The following FGGY variants were observed in gnomAD, a reference collection of about 807,000 sequenced individuals.
FGGY encodes the protein FGGY carbohydrate kinase domain containing.
In FGGY, 72 loss-of-function variants were observed where a neutral mutation model predicts 71.3. The observed-to-expected ratio is 1.01, with a 90% CI of 0.84 to 1.23. The LOEUF (loss-of-function observed/expected upper bound fraction) is 1.23. Among genes scored for constraint, FGGY ranks in the 50% most tolerant of loss-of-function variants. The probability of loss-of-function intolerance (pLI) is 0.00; values close to 1 mark genes in which losing one functional copy is unlikely to be tolerated. For synonymous variants in FGGY, 251 were observed against 250.3 expected (o/e 1.00, Z -0.02); for missense variants, 668 against 682.3 (o/e 0.98, Z 0.23).
intron 6 of FGGY, among the ~76,000 whole-genome samples, chr1:59,473,270 C>G (rs1055819949): frequency 1.3e-5 from 2 of 151,790 alleles, no homozygotes; most frequent in Non-Finnish European, 2.9e-5. Flanking sequence ...ACTCCAGACG[C>G]GCCGGCTTAA....
chr1:59,317,588 G>C (rs1451858945), intron 1 of FGGY, among the ~76,000 whole-genome samples: 1 of 152,182 alleles, frequency 6.6e-6, no homozygotes, highest in Admixed American at 6.5e-5. Flanking sequence ...CATGACCCAG[G>C]AACAAAGGGC....
Position 59,612,498 on chromosome 1 carries a change from A to C in FGGY, c.1011+4588A>C, listed in dbSNP as rs1280594136. On this transcript the variant is annotated intron_variant, in intron 9 of 15. Coordinates refer to ENST00000303721, the MANE Select transcript of FGGY (RefSeq NM_018291.5). ...CCCTAAAAGAGCTCCTGACGGAAGC[A>C]CTAAACATGGAAAGGAACAACTGGT... Among the ~76,000 whole-genome samples, 7 of 152,324 alleles carry C rather than the reference A, an allele frequency of 4.6e-5. No individual in the cohort carries two copies. The East Asian group carries it at 1.4e-3, about 29-fold the overall frequency.
intron 9 of FGGY, among the ~76,000 whole-genome samples, chr1:59,613,143 T>C (rs1007642468): frequency 2.6e-5 from 4 of 152,090 alleles, no homozygotes; most frequent in East Asian, 1.9e-4. Context: ...CTGCACCAAG[T>C]GGACCTAATA....
intron 14 of FGGY, among the ~76,000 whole-genome samples, chr1:59,737,690 C>T (rs747294468): frequency 1.3e-4 from 20 of 152,206 alleles, no homozygotes; most frequent in Non-Finnish European, 2.1e-4. Context: ...AACTTGCTTT[C>T]GATTTTGCAG....
intron 2 of FGGY, among the ~76,000 whole-genome samples, chr1:59,338,025 T>C (rs535282714): frequency 3.3e-5 from 5 of 152,300 alleles, no homozygotes; most frequent in African/African-American, 1.2e-4. Flanking sequence ...AGAAGTTCTC[T>C]TCTATGTCTG....
chr1:59,656,179 C>T (rs1239615001), intron 11 of FGGY, among the ~76,000 whole-genome samples: 2 of 152,196 alleles, frequency 1.3e-5, no homozygotes, highest in East Asian at 1.9e-4. Context: ...TCGGGCTTCC[C>T]TACACATTTG....
At chr1:59,697,559 A>G in intron 14 of FGGY, 2 of 653,726 alleles carry the variant, frequency 3.1e-6, no homozygotes, top group Middle Eastern at 5.8e-4. Context: ...TCTTAATGCA[A>G]CATAGCTTGT....
At chr1:59,326,441 ACAGTG>A in intron 2 of FGGY, among the ~76,000 whole-genome samples, 1 of 152,358 alleles carries the variant, frequency 6.6e-6, no homozygotes, top group Admixed American at 6.5e-5. Context: ...ATTATAGTTT[ACAGTG>A]CATCTTCATT....
At chr1:59,581,909 CTG>C (rs1345163027) in intron 8 of FGGY, among the ~76,000 whole-genome samples, 1 of 149,764 alleles carries the variant, frequency 6.7e-6, no homozygotes, top group Admixed American at 6.6e-5. Flanking sequence ...GCTATCAACT[CTG>C]TAATAACATG....
chr1:59,702,732 C>A (rs184623702), intron 14 of FGGY, among the ~76,000 whole-genome samples: 6 of 152,218 alleles, frequency 3.9e-5, no homozygotes, highest in Non-Finnish European at 5.9e-5. Context: ...CTATGCCAGG[C>A]AATGTCTAAA....
chr1:59,387,540 T>G (rs1311632430), intron 5 of FGGY, among the ~76,000 whole-genome samples: 1 of 152,202 alleles, frequency 6.6e-6, no homozygotes, highest in Non-Finnish European at 1.5e-5. Flanking sequence ...TTGCTAATAT[T>G]TGTATTGGGA....
At chr1:59,468,195 G>T (rs1048828854) in intron 6 of FGGY, among the ~76,000 whole-genome samples, 6 of 152,076 alleles carry the variant, frequency 3.9e-5, no homozygotes, top group Admixed American at 6.6e-5. Context: ...AAGTCACCGC[G>T]CCCGACTGGC....
At chr1:59,355,682 T>G (rs967805628) in intron 4 of FGGY, among the ~76,000 whole-genome samples, 5 of 152,056 alleles carry the variant, frequency 3.3e-5, no homozygotes, top group African/African-American at 9.7e-5. Context: ...TGTGGCAGTA[T>G]GAGGAAACCA....
chr1:59,575,486 C>T (rs774405131), intron 8 of FGGY, among the ~76,000 whole-genome samples: 3 of 152,130 alleles, frequency 2.0e-5, no homozygotes, highest in Non-Finnish European at 4.4e-5. Context: ...ATCTATGGCA[C>T]ATTTTCTTGA....
chr1:59,469,922 A>G (rs984108189), intron 6 of FGGY, among the ~76,000 whole-genome samples: 6 of 152,184 alleles, frequency 3.9e-5, no homozygotes, highest in Non-Finnish European at 7.3e-5. Context: ...TGCAAAGGAC[A>G]TGATCTTGTT....
At chr1:59,601,648 A>G (rs2096579431) in intron 8 of FGGY, among the ~76,000 whole-genome samples, 1 of 152,182 alleles carries the variant, frequency 6.6e-6, no homozygotes, top group Non-Finnish European at 1.5e-5. Context: ...GTCACTTGAT[A>G]TCTGAGTTAT....
chr1:59,705,433 A>T (rs1269358441), intron 14 of FGGY, among the ~76,000 whole-genome samples: 4 of 152,162 alleles, frequency 2.6e-5, no homozygotes, highest in Non-Finnish European at 5.9e-5. Context: ...CGCAGTAAGG[A>T]CTGAGGAGGT....
intron 14 of FGGY, among the ~76,000 whole-genome samples, chr1:59,727,654 A>G (rs913971124): frequency 2.0e-5 from 3 of 152,306 alleles, no homozygotes; most frequent in South Asian, 4.1e-4. Context: ...TGCTATTCCT[A>G]TCAAACTACC....
intron 7 of FGGY, among the ~76,000 whole-genome samples, chr1:59,540,620 C>G (rs2095425390): frequency 6.6e-6 from 1 of 152,150 alleles, no homozygotes; most frequent in Non-Finnish European, 1.5e-5. Context: ...CTTTGTAAGA[C>G]TCCACTAAAT....
Sources: gnomAD v4.1 joint callset for allele counts (sites outside exome capture counted in the v4.1 genomes callset) on GRCh38, gnomAD v4.1.1 for gene constraint, MANE v1.5 for transcripts, NCBI Gene and HGNC (gene_info 2026-07-23, HGNC 2026-07-21) for gene names.